NPSR1: variants seen among roughly 807,000 people sequenced by gnomAD.
NPSR1 encodes neuropeptide S receptor.
A neutral mutation model predicts 46.9 loss-of-function variants in NPSR1; 48 were observed. The observed-to-expected ratio is 1.02, with a 90% CI of 0.81 to 1.30. The LOEUF is 1.30. Ranked by LOEUF, NPSR1 falls within the 50% of genes most tolerant of loss-of-function variation. The pLI, the probability that NPSR1 is intolerant of heterozygous loss-of-function variation, is 0.00. For missense variants in NPSR1, 450 were observed against 449.5 expected (o/e 1.00, Z -0.01); for synonymous variants, 176 against 168.1 (o/e 1.05, Z -0.36).
At chr7:34,790,967 A>T (rs1193430679) in intron 3 of NPSR1, among the ~76,000 whole-genome samples, 18 of 75,038 alleles carry the variant, frequency 2.4e-4, no homozygotes, top group African/African-American at 4.7e-4. Flanking sequence ...ATGTTATATT[A>T]TATATGTTAT....
At chr7:34,755,386 T>C (rs2128726214) in intron 2 of NPSR1, among the ~76,000 whole-genome samples, 1 of 152,342 alleles carries the variant, frequency 6.6e-6, no homozygotes, top group East Asian at 1.9e-4. Context: ...AATGATTTAA[T>C]TCTTTACATA....
intron 2 of NPSR1, among the ~76,000 whole-genome samples, chr7:34,692,841 T>G (rs1793333968): frequency 6.6e-6 from 1 of 152,130 alleles, no homozygotes; most frequent in African/African-American, 2.4e-5. Context: ...GAGAGATGAT[T>G]CAATTAAGTA....
At chr7:34,788,268 T>C (rs1423927942) in intron 3 of NPSR1, among the ~76,000 whole-genome samples, 2 of 150,474 alleles carry the variant, frequency 1.3e-5, no homozygotes, top group African/African-American at 2.4e-5. Flanking sequence ...AGTAGATACA[T>C]GAAAGATAAA....
intron 1 of NPSR1, among the ~76,000 whole-genome samples, chr7:34,665,081 G>T (rs1048766632): frequency 1.3e-5 from 2 of 152,088 alleles, no homozygotes; most frequent in Admixed American, 1.3e-4. Context: ...GAAGTTAAAG[G>T]TGTAAACTTC....
Position 34,829,329 on chromosome 7 carries a change from C to T in NPSR1, c.680+1727C>T, listed in dbSNP as rs1790010757. Among the ~76,000 whole-genome samples the T allele has an allele frequency of 2.0e-5, 3 of 152,178 alleles. No homozygotes were observed. The South Asian group carries it at 6.2e-4, about 32-fold the overall frequency. On this transcript the variant is annotated intron_variant, in intron 5 of 8. Transcript: ENST00000360581. ...TGCTGAATGGACAACTTAACACCAA[C>T]ACTTTATTTTGACTTATTGCCCTCC... is the stretch of plus-strand genomic sequence containing the variant.
intron 2 of NPSR1, among the ~76,000 whole-genome samples, chr7:34,756,333 C>A (rs535385396): frequency 2.4e-4 from 37 of 152,306 alleles, no homozygotes; most frequent in African/African-American, 8.9e-4. Flanking sequence ...ATTTATGCAA[C>A]CTACATGGCA....
intron 2 of NPSR1, among the ~76,000 whole-genome samples, chr7:34,764,872 C>T (rs1224789072): frequency 6.6e-6 from 1 of 152,138 alleles, no homozygotes; most frequent in East Asian, 1.9e-4. Flanking sequence ...CCCTAAGGCC[C>T]AGGCACACTG....
At chr7:34,856,571 C>T (rs1359088194) in intron 8 of NPSR1, among the ~76,000 whole-genome samples, 5 of 151,532 alleles carry the variant, frequency 3.3e-5, no homozygotes, top group African/African-American at 4.9e-5. Context: ...GATGGGGAAG[C>T]GTGGATGATT....
intron 2 of NPSR1, among the ~76,000 whole-genome samples, chr7:34,757,512 G>A (rs1005186853): frequency 1.3e-5 from 2 of 152,118 alleles, no homozygotes; most frequent in African/African-American, 4.8e-5. Flanking sequence ...TTTGGGAAAG[G>A]TGAGTGCCAC....
chr7:34,848,739 A>G lies in NPSR1; in HGVS notation c.1025+76A>G. 7 of 1,312,010 alleles carry G rather than the reference A, an allele frequency of 5.3e-6. No homozygotes were observed. In the South Asian group the frequency reaches 9.1e-5, roughly 17 times the overall value. 81.3% of individuals were successfully genotyped at this position (1,312,010 alleles called of 1,614,324 possible). ...GATTCTGCCAACATGTGGGTTTCTC[A>G]TGTCCAAACTCTCCAGCAGGTTACA... is the stretch of plus-strand genomic sequence containing the variant. On this transcript the variant is annotated intron_variant, in intron 8 of 8. Transcript: ENST00000360581.
intron 2 of NPSR1, among the ~76,000 whole-genome samples, chr7:34,765,401 T>C (rs898277553): frequency 2.0e-5 from 3 of 152,170 alleles, no homozygotes; most frequent in South Asian, 2.1e-4. Flanking sequence ...ACATTAAAAA[T>C]ACTTCATGAA....
intron 3 of NPSR1, among the ~76,000 whole-genome samples, chr7:34,789,265 C>G (rs1787608537): frequency 6.6e-6 from 1 of 151,452 alleles, no homozygotes; most frequent in Non-Finnish European, 1.5e-5. Flanking sequence ...CAGGGTTTCC[C>G]TTTCATAAAA....
intron 1 of NPSR1, among the ~76,000 whole-genome samples, chr7:34,664,003 T>C (rs1791608109): frequency 6.6e-6 from 1 of 152,232 alleles, no homozygotes; most frequent in African/African-American, 2.4e-5. Context: ...ACAATGTCAT[T>C]CTGCCATCCT....
At chr7:34,834,828 G>T (rs866121901) in intron 6 of NPSR1, among the ~76,000 whole-genome samples, 7 of 152,374 alleles carry the variant, frequency 4.6e-5, no homozygotes, top group Middle Eastern at 6.8e-3. Context: ...CAGCAAAGAT[G>T]AGCATAGGCT....
At chr7:34,805,154 C>T (rs559840534) in intron 3 of NPSR1, among the ~76,000 whole-genome samples, 13 of 151,870 alleles carry the variant, frequency 8.6e-5, no homozygotes, top group South Asian at 2.1e-4. Context: ...AAAGTCCCAA[C>T]GAGATATTTT....
chr7:34,693,973 C>A (rs572937347), intron 2 of NPSR1, among the ~76,000 whole-genome samples: 2 of 152,080 alleles, frequency 1.3e-5, no homozygotes, highest in Non-Finnish European at 2.9e-5. Flanking sequence ...TAAAAACCCT[C>A]AACAAATTAG....
chr7:34,777,346 T>G (rs1197804109), intron 2 of NPSR1, among the ~76,000 whole-genome samples: 1 of 152,176 alleles, frequency 6.6e-6, no homozygotes, highest in African/African-American at 2.4e-5. Flanking sequence ...CAGTTTTCTT[T>G]TATGCTATAA....
chr7:34,766,824 C>T (rs180743973), intron 2 of NPSR1, among the ~76,000 whole-genome samples: 1,567 of 152,286 alleles, frequency 0.01, 27 homozygotes, highest in African/African-American at 0.036. Flanking sequence ...CCACCCGCCT[C>T]GGCCTCCCAA....
At chr7:34,792,692 T>C (rs1173125908) in intron 3 of NPSR1, among the ~76,000 whole-genome samples, 2 of 120,398 alleles carry the variant, frequency 1.7e-5, no homozygotes, top group African/African-American at 6.3e-5. Context: ...TATATATGTA[T>C]ATATATACGT....
Sources: allele counts gnomAD v4.1 joint callset (sites outside exome capture counted in the v4.1 genomes callset), GRCh38; gene constraint gnomAD v4.1.1; transcripts MANE v1.5; gene names NCBI Gene and HGNC (gene_info 2026-07-23, HGNC 2026-07-21).